Variants in NOTCH2 observed in about 807,000 individuals in gnomAD.
NOTCH2 encodes the protein neurogenic locus notch homolog protein 2.
Under a neutral mutation model 235.8 loss-of-function variants are expected in NOTCH2, and 29 were observed. The observed-to-expected ratio is 0.12, with a 90% CI of 0.09 to 0.17. The LOEUF is 0.17. Ranked by LOEUF, NOTCH2 falls within the 10% of genes least tolerant of loss-of-function variation. The pLI, the probability that NOTCH2 is intolerant of heterozygous loss-of-function variation, is 1.00. For missense variants in NOTCH2, 2,285 were observed against 3,150.2 expected (o/e 0.73, Z 6.57); for synonymous variants, 1,086 against 1,141.5 (o/e 0.95, Z 0.98).
At chr1:119,959,187 G>A (rs587689127) in intron 12 of NOTCH2, among the ~76,000 whole-genome samples, 6 of 152,262 alleles carry the variant, frequency 3.9e-5, no homozygotes, top group South Asian at 4.2e-4. Flanking sequence ...ACACATAATC[G>A]AAAAACTCTA....
chr1:119,945,392 ATTAAAT>A (rs1553196933), intron 17 of NOTCH2, among the ~76,000 whole-genome samples: 1 of 152,098 alleles, frequency 6.6e-6, no homozygotes, highest in African/African-American at 2.4e-5. Context: ...TAAAAACTAC[ATTAAAT>A]TTAAACAGTC....
intron 2 of NOTCH2, among the ~76,000 whole-genome samples, chr1:120,027,037 C>T (rs2725949): frequency 2.7e-4 from 38 of 141,434 alleles, no homozygotes; most frequent in Non-Finnish European, 4.3e-4. Context: ...CTGCAAGCTC[C>T]GCCTCCTGGG....
chr1:120,027,589 G>A (rs1251798156), intron 2 of NOTCH2, among the ~76,000 whole-genome samples: 5 of 151,062 alleles, frequency 3.3e-5, no homozygotes, highest in African/African-American at 9.8e-5. Flanking sequence ...TAAGCCCCAC[G>A]TGCATTAGGT....
intron 5 of NOTCH2, among the ~76,000 whole-genome samples, chr1:119,972,897 A>T (rs1011427304): frequency 1.3e-5 from 2 of 152,310 alleles, no homozygotes; most frequent in Non-Finnish European, 2.9e-5. Flanking sequence ...GCACACAGAC[A>T]TGGGGAAGTG....
At chr1:119,974,051 A>T (rs990178881) in intron 5 of NOTCH2, among the ~76,000 whole-genome samples, 1 of 152,198 alleles carries the variant, frequency 6.6e-6, no homozygotes, top group Non-Finnish European at 1.5e-5. Flanking sequence ...TTAAAAGCAA[A>T]TGACTTTATG....
At chr1:119,987,187 T>TA in intron 4 of NOTCH2, 105 bp from the exon 5 acceptor site, 1 of 1,342,662 alleles carries the variant, frequency 7.4e-7, no homozygotes. Context: ...CTTCATGACT[T>TA]CAGTTCAACA....
intron 4 of NOTCH2, chr1:119,995,382 A>G (rs1652399922): frequency 6.6e-6 from 1 of 151,090 alleles, no homozygotes; most frequent in African/African-American, 2.4e-5. Context: ...ATTAAAAGCA[A>G]TTTTCTTGAA....
At chr1:120,028,417 C>A (rs1653955818) in intron 2 of NOTCH2, among the ~76,000 whole-genome samples, 1 of 151,776 alleles carries the variant, frequency 6.6e-6, no homozygotes, top group East Asian at 1.9e-4. Flanking sequence ...GTTGTATCTC[C>A]ATTCTTAGAG....
Position 119,969,482 on chromosome 1 carries a change from G to A in NOTCH2, c.1108+29C>T, listed in dbSNP as rs782780607. On this transcript the variant is annotated intron_variant, in intron 6 of 33. Transcript: ENST00000256646. The stretch of plus-strand genomic sequence containing the variant: ...CCTGAATGCCCCCTGCCCCTTCCCT[G>A]TTTCTAGATCCGTCCTTCTGCTACC... 2.2e-5 allele frequency: 36 copies of A among 1,600,998 alleles called. 1 individual carries two copies. Among genetic ancestry groups the A allele is most frequent in the East Asian group, 6.7e-5 (3 of 44,478 alleles).
rs372710038 is a variant in NOTCH2, at chr1:119,923,676, C to G, written c.4820G>C (p.Arg1607Pro). The G allele has an allele frequency of 4.3e-6, 7 of 1,614,138 alleles. No individual in the cohort carries two copies. Among genetic ancestry groups the G allele is most frequent in the Non-Finnish European group, 5.9e-6 (7 of 1,180,022 alleles). Reference protein sequence around the residue: ...SAAMKKQRMTRRSLPGEQEQE... With the variant: ...SAAMKKQRMTPRSLPGEQEQE... ...TTCTTGTTCACCAGGAAGGGATCTG[C>G]GTGTCATCCTCTGTTTCTTCATAGC... The change falls in exon 26 of 34, where the codon CGC becomes CCC. Residue 1607 changes from arginine (R) to proline (P), a missense_variant. This residue lies in a region of NOTCH2 where 1,173 missense variants were observed against 1,515.3 expected (regional missense o/e 0.77). Transcript: ENST00000256646.
At position 119,916,178 on chromosome 1, in the gene NOTCH2, G is replaced by A; in HGVS notation, c.6544C>T (p.Pro2182Ser). The change falls in exon 34 of 34, where the codon CCT becomes TCT. Residue 2182 changes from proline to serine, a missense_variant. Around this residue, in one of 6 missense-constraint regions of NOTCH2, gnomAD observed 504 missense variants for 538.0 expected, o/e 0.94. Transcript: ENST00000256646. ...GGAGGGGCGGCAGTGGCCAACATAG[G>A]GTTGGGTGAGGCCTGTAAGATCCCA... The part of the protein sequence containing the change: ...SPGILQASPN[P>S]MLATAAPPAP... 6.2e-7 allele frequency: 1 copy of A among 1,614,242 alleles called. No homozygotes were observed. Among genetic ancestry groups the A allele is most frequent in the Non-Finnish European group, 8.5e-7 (1 of 1,180,042 alleles).
rs1553204339 is a variant in NOTCH2 at position 119,997,284 on chromosome 1, T to C, written c.464A>G (p.Asn155Ser). 6.2e-7 allele frequency: 1 copy of C among 1,613,946 alleles called. No homozygotes were observed. Among genetic ancestry groups the C allele is most frequent in the East Asian group, 2.2e-5 (1 of 44,874 alleles). ...TDACLSHPCANGSTCTTVANQ... is the reference protein window; with the variant it reads ...TDACLSHPCASGSTCTTVANQ... ...GGCCACAGTGGTACAGGTACTTCCA[T>C]TTGCACAGGGATGAGACAGGCAGGC... The change falls in exon 4 of 34, where the codon AAT becomes AGT. Residue 155 changes from asparagine to serine, a missense_variant. Around this residue, in one of 6 missense-constraint regions of NOTCH2, gnomAD observed 431 missense variants for 757.8 expected, o/e 0.57. Transcript: ENST00000256646.
At chr1:120,005,255 C>T (rs1553206097) in intron 3 of NOTCH2, 74 bp downstream of exon 3, 1 of 1,602,496 alleles carries the variant, frequency 6.2e-7, no homozygotes, top group African/African-American at 1.3e-5. Flanking sequence ...GAGCCAGACA[C>T]CATGATCTAA....
chr1:119,996,926 T>C, intron 4 of NOTCH2, 71 bp downstream of exon 4: 1 of 1,564,006 alleles, frequency 6.4e-7, no homozygotes, highest in Non-Finnish European at 8.8e-7. Flanking sequence ...AAAACAGCAA[T>C]TGAGCCACAC....
chr1:119,948,717 G>A, intron 16 of NOTCH2, 151 bp from the exon 17 acceptor site: 1 of 960,740 alleles, frequency 1.0e-6, no homozygotes. Flanking sequence ...GAAGACTTCT[G>A]TGGCCTAGGA....
At chr1:119,942,804 T>C (rs1650106876) in intron 17 of NOTCH2, among the ~76,000 whole-genome samples, 2 of 152,058 alleles carry the variant, frequency 1.3e-5, no homozygotes, top group African/African-American at 4.8e-5. Context: ...CCTAAAGTTC[T>C]CCATCAATTG....
chr1:120,012,593 T>C (rs1310404461), intron 2 of NOTCH2, among the ~76,000 whole-genome samples: 5 of 151,794 alleles, frequency 3.3e-5, no homozygotes, highest in Non-Finnish European at 1.5e-5. Context: ...ACTCATACAA[T>C]CACAGAATTT....
At chr1:119,981,579 C>T (rs1485980008) in intron 5 of NOTCH2, among the ~76,000 whole-genome samples, 2 of 152,142 alleles carry the variant, frequency 1.3e-5, no homozygotes, top group Admixed American at 6.5e-5. Context: ...GAGTCATGGA[C>T]TGCAGGGCAG....
chr1:119,956,713 T>C (rs782141429), intron 12 of NOTCH2, among the ~76,000 whole-genome samples: 1 of 152,212 alleles, frequency 6.6e-6, no homozygotes, highest in African/African-American at 2.4e-5. Context: ...AAAAGGTTTC[T>C]TCATTTTTGG....
Sources: allele counts gnomAD v4.1 joint callset (sites outside exome capture counted in the v4.1 genomes callset), GRCh38; gene constraint gnomAD v4.1.1; regional missense constraint gnomAD v4.1.1; transcripts MANE v1.5; gene names NCBI Gene and HGNC (gene_info 2026-07-23, HGNC 2026-07-21).